The following STX5 variants were observed in gnomAD, a reference collection of about 807,000 sequenced individuals.
The protein encoded by STX5 is syntaxin 5, also known as syntaxin-5.
A neutral mutation model predicts 42.9 loss-of-function variants in STX5; 15 were observed. The observed-to-expected ratio is 0.35, with a 90% CI of 0.23 to 0.54. The LOEUF is 0.54. STX5 is among the 20% of genes least tolerant of loss of function. STX5 has a pLI of 0.91. For synonymous variants in STX5, 184 were observed against 173.2 expected (o/e 1.06, Z -0.49); for missense variants, 430 against 455.0 (o/e 0.95, Z 0.50).
Position 62,807,557 on chromosome 11 carries a change from T to C in STX5, c.980A>G (p.Gln327Arg). The change falls in exon 11 of 11, where the codon CAG becomes CGG. Residue 327 changes from glutamine to arginine, a missense_variant. Transcript: ENST00000294179. ...AAHSEILKYFQSVTSNRWLMV... is the reference protein window; with the variant it reads ...AAHSEILKYFRSVTSNRWLMV... Reference sequence around the variant, plus strand: ...GAGCCACCGGTTGGAGGTGACAGACTGGAAGTACTTGAGGATCTCTGAATG... The same window carrying C: ...GAGCCACCGGTTGGAGGTGACAGACCGGAAGTACTTGAGGATCTCTGAATG... The C allele has an allele frequency of 6.2e-7, 1 of 1,614,136 alleles. No individual in the cohort carries two copies.
intron 10 of STX5, among the ~76,000 whole-genome samples, chr11:62,810,739 G>C (rs968590968): frequency 3.3e-5 from 5 of 152,232 alleles, no homozygotes; most frequent in East Asian, 3.8e-4. Flanking sequence ...GGTTTCTAGA[G>C]CAAGTGCTGA....
In STX5 at chr11:62,824,173, T is replaced by C; in HGVS notation, c.901A>G (p.Ile301Val). The change falls in exon 10 of 11, where the codon ATT (isoleucine) becomes GTT (valine). Residue 301 changes from isoleucine (I) to valine (V), a missense_variant. Coordinates refer to ENST00000294179, the MANE Select transcript of STX5 (RefSeq NM_003164.5). ...AHMVKEQEET[I>V]QRIDENVLGA... is the part of the protein sequence containing the mutation. ...CGAGAGAGTGTATCTCACCTCTGAATGGTTTCCTCCTGTTCCTTAACCATG... is the reference window on the plus strand; with the variant it reads ...CGAGAGAGTGTATCTCACCTCTGAACGGTTTCCTCCTGTTCCTTAACCATG... The C allele has an allele frequency of 6.2e-7, 1 of 1,614,180 alleles. No homozygotes were observed. Among genetic ancestry groups the C allele is most frequent in the Non-Finnish European group, 8.5e-7 (1 of 1,180,024 alleles).
chr11:62,823,287 G>A (rs1276788609), intron 10 of STX5, among the ~76,000 whole-genome samples: 5 of 150,528 alleles, frequency 3.3e-5, no homozygotes, highest in East Asian at 2.0e-4. Context: ...TCATCCTCCC[G>A]CCTCAGCCTC....
Position 62,831,953 on chromosome 11 carries a change from C to T in STX5, c.-20+1G>A. On this transcript the variant is annotated splice_donor_variant, in intron 1 of 10. Coordinates refer to ENST00000294179, the MANE Select transcript of STX5 (RefSeq NM_003164.5). LOFTEE classifies it low-confidence loss of function (5UTR_SPLICE). Reference sequence around the variant, plus strand: ...AGATCCCCTCTTAAAGCGAATCTTACCTCCCCTCTGCCGCCTGCCGCCGCC... The same window carrying T: ...AGATCCCCTCTTAAAGCGAATCTTATCTCCCCTCTGCCGCCTGCCGCCGCC... 1 of 459,614 alleles carries T rather than the reference C, an allele frequency of 2.2e-6. No individual in the cohort carries two copies. The highest frequency in any genetic ancestry group is 1.5e-5 in the South Asian group (1 of 64,588). 28.5% of individuals were successfully genotyped at this position (459,614 alleles called of 1,614,324 possible).
chr11:62,830,628 A>T (rs1368189334), intron 2 of STX5: 1 of 461,232 alleles, frequency 2.2e-6, no homozygotes, highest in African/African-American at 2.0e-5. Context: ...ATGTAACTAG[A>T]TTAACTAATT....
At chr11:62,825,568 G>A (rs777972032) in intron 5 of STX5, 29 bp from the exon 6 acceptor site, 9 of 1,601,556 alleles carry the variant, frequency 5.6e-6, no homozygotes, top group Non-Finnish European at 6.8e-6. Flanking sequence ...GAAAAACAAA[G>A]TATTAGCCAA....
intron 10 of STX5, among the ~76,000 whole-genome samples, chr11:62,811,560 T>C (rs992683052): frequency 2.0e-5 from 3 of 152,200 alleles, no homozygotes; most frequent in Non-Finnish European, 4.4e-5. Context: ...TTTCCCCTTT[T>C]TGGGCTGGCA....
At position 62,824,510 on chromosome 11, in the gene STX5, G is replaced by C; in HGVS notation, c.735C>G (p.Ile245Met). 6.2e-7 allele frequency: 1 copy of C among 1,614,146 alleles called. No homozygotes were observed. The highest frequency in any genetic ancestry group is 8.5e-7 in the Non-Finnish European group (1 of 1,180,028). ...AESHASKDVAIDMMDSRTSQQ... is the reference protein window; with the variant it reads ...AESHASKDVAMDMMDSRTSQQ... ...GGCTGGTCCGAGAGTCCATCATGTC[G>C]ATGGCGACATCCTTGGAGGCATGGG... The change falls in exon 9 of 11, where the codon ATC (isoleucine) becomes ATG (methionine). Residue 245 changes from isoleucine to methionine, a missense_variant. By Grantham distance (10) the Ile-to-Met change is conservative. Transcript: ENST00000294179.
chr11:62,813,060 C>T (rs1267604384), intron 10 of STX5, among the ~76,000 whole-genome samples: 10 of 148,702 alleles, frequency 6.7e-5, no homozygotes, highest in Admixed American at 4.7e-4. Flanking sequence ...TGCCACTGCA[C>T]TCCAGCCTGG....
At chr11:62,811,485 T>A (rs2084616226) in intron 10 of STX5, among the ~76,000 whole-genome samples, 1 of 152,192 alleles carries the variant, frequency 6.6e-6, no homozygotes, top group African/African-American at 2.4e-5. Context: ...AATTCTGCAC[T>A]CCTGTATCTA....
intron 10 of STX5, among the ~76,000 whole-genome samples, chr11:62,818,689 CA>C (rs772514194): frequency 0.11 from 11,462 of 107,876 alleles, 511 homozygotes; most frequent in East Asian, 0.17. Flanking sequence ...CCGTCTCTAC[CA>C]AAAAAAAAAA....
Position 62,815,415 on chromosome 11 carries a change from C to G in STX5, c.909-7787G>C, listed in dbSNP as rs908524789. Among the ~76,000 whole-genome samples the G allele has an allele frequency of 4.6e-5, 7 of 152,082 alleles. No homozygotes were observed. In the East Asian group the frequency reaches 1.3e-3, roughly 29 times the overall value. On this transcript the variant is annotated intron_variant, in intron 10 of 10. Coordinates refer to ENST00000294179, the MANE Select transcript of STX5 (RefSeq NM_003164.5). ...AATATTAGGAAATCATTAATTTTCACAGACATAACTGGGTGTGGTTTTTAT... is the reference window on the plus strand; with the variant it reads ...AATATTAGGAAATCATTAATTTTCAGAGACATAACTGGGTGTGGTTTTTAT...
chr11:62,820,159 A>T (rs2084723877), intron 10 of STX5, among the ~76,000 whole-genome samples: 1 of 151,396 alleles, frequency 6.6e-6, no homozygotes, highest in Non-Finnish European at 1.5e-5. Context: ...TCACAAGGTC[A>T]GGAGATCGAG....
chr11:62,807,815 C>T (rs1175101797), intron 10 of STX5, 187 bp from the exon 11 acceptor site: 5 of 1,080,616 alleles, frequency 4.6e-6, no homozygotes, highest in Non-Finnish European at 6.4e-6. Context: ...CCAACTCTGC[C>T]ATTTATTAGC....
chr11:62,827,571 G>C lies in STX5; in HGVS notation c.286C>G (p.Leu96Val), dbSNP rs762072831. The C allele has an allele frequency of 4.3e-6, 7 of 1,614,218 alleles. No homozygotes were observed. The East Asian group carries it at 1.3e-4, about 31-fold the overall frequency. ...CTTCTCTCAACTCACTTGGCCATGA[G>C]GGTGAATTCACTGCGTTGTCGGACA... ...RAVRQRSEFT[L>V]MAKRIGKDLS... Residue 96 changes from leucine (L) to valine (V), a missense_variant, in exon 3 of 11, where the codon CTC becomes GTC. By Grantham distance (32) the Leu-to-Val change is conservative (BLOSUM62 1). Coordinates refer to ENST00000294179, the MANE Select transcript of STX5 (RefSeq NM_003164.5).
rs1467729849 is a variant in STX5 at position 62,807,102 on chromosome 11, G to C, written c.*367C>G. The C allele has an allele frequency of 5.8e-6, 1 of 173,686 alleles. No individual in the cohort carries two copies. The highest frequency in any genetic ancestry group is 2.4e-5 in the African/African-American group (1 of 42,268). 10.8% of individuals were successfully genotyped at this position (173,686 alleles called of 1,614,324 possible). A position where few individuals can be genotyped will look rare whatever the true frequency, so the allele number is the denominator to read the frequency against. ...CCTCTCTTCACTCACAGGAAGGTGG[G>C]TAAGGGCATCATCTCCCTTTGCTGC... On this transcript the variant is annotated 3_prime_UTR_variant, in exon 11 of 11. Coordinates refer to ENST00000294179, the MANE Select transcript of STX5 (RefSeq NM_003164.5).
chr11:62,815,132 C>T (rs1014859169), intron 10 of STX5, among the ~76,000 whole-genome samples: 1 of 151,784 alleles, frequency 6.6e-6, no homozygotes, highest in Non-Finnish European at 1.5e-5. Flanking sequence ...CTCAGCCTCC[C>T]GAGTAGCTGG....
chr11:62,811,827 C>T (rs2084620116), intron 10 of STX5, among the ~76,000 whole-genome samples: 1 of 152,000 alleles, frequency 6.6e-6, no homozygotes, highest in Admixed American at 6.6e-5. Flanking sequence ...TGAGCTGTCA[C>T]TGTCAACTTA....
chr11:62,817,777 A>T (rs575258088), intron 10 of STX5, among the ~76,000 whole-genome samples: 3 of 152,296 alleles, frequency 2.0e-5, no homozygotes, highest in Admixed American at 6.5e-5. Context: ...AAAATTATCT[A>T]AAAAAATTCA....
Sources: gnomAD v4.1 joint callset for allele counts (sites outside exome capture counted in the v4.1 genomes callset) on GRCh38, gnomAD v4.1.1 for gene constraint, MANE v1.5 for transcripts, NCBI Gene and HGNC (gene_info 2026-07-23, HGNC 2026-07-21) for gene names.